The following ATG10 variants were observed in gnomAD, a reference collection of about 807,000 sequenced individuals.
The protein encoded by ATG10 is autophagy related 10.
A neutral mutation model predicts 32.1 loss-of-function variants in ATG10; 30 were observed. The observed-to-expected ratio is 0.94, with a 90% CI of 0.70 to 1.27. ATG10 has a LOEUF of 1.27. Among genes scored for constraint, ATG10 ranks in the 50% most tolerant of loss-of-function variants. ATG10 has a pLI of 0.00. For synonymous variants in ATG10, 87 were observed against 91.5 expected (o/e 0.95, Z 0.28); for missense variants, 233 against 262.3 (o/e 0.89, Z 0.77).
At chr5:82,138,874 TCCCCC>T (rs1561319891) in intron 3 of ATG10, among the ~76,000 whole-genome samples, 95 of 23,918 alleles carry the variant, frequency 4.0e-3, no homozygotes, top group Admixed American at 1.4e-3. Context: ...CCCCTCCCCC[TCCCCC>T]TCTCCCTCTC....
intron 2 of ATG10, among the ~76,000 whole-genome samples, chr5:82,040,786 A>C (rs552945512): frequency 6.6e-6 from 1 of 152,218 alleles, no homozygotes; most frequent in Non-Finnish European, 1.5e-5. Flanking sequence ...TTTCAGCATA[A>C]ATCATTACAA....
rs547547637 is a variant in ATG10 at position 82,047,739 on chromosome 5, G to C, written c.109-10756G>C. ...ACTACTCATAGGAAGTCAGGAAGGT[G>C]CTGGAGGTGAAAAGAAGGGGGACTT... is the stretch of plus-strand genomic sequence containing the variant. On this transcript the variant is annotated intron_variant, in intron 2 of 7. Coordinates refer to ENST00000282185, the MANE Select transcript of ATG10 (RefSeq NM_031482.5). 2.6e-5 allele frequency among the ~76,000 whole-genome samples: 4 copies of C among 152,316 alleles called. No homozygotes were observed. The East Asian group carries it at 7.7e-4, about 29-fold the overall frequency.
intron 2 of ATG10, among the ~76,000 whole-genome samples, chr5:82,049,446 T>A (rs1406583964): frequency 1.3e-5 from 2 of 151,228 alleles, no homozygotes; most frequent in East Asian, 3.9e-4. Flanking sequence ...ATATACGTAA[T>A]GCTAGATGAC....
chr5:82,210,387 G>A (rs1295208667), intron 5 of ATG10, among the ~76,000 whole-genome samples: 2 of 152,178 alleles, frequency 1.3e-5, no homozygotes, highest in African/African-American at 4.8e-5. Flanking sequence ...TTGGGTTTCA[G>A]TCCCTATGAG....
At chr5:82,034,762 C>G (rs1296168171) in intron 2 of ATG10, among the ~76,000 whole-genome samples, 1 of 152,122 alleles carries the variant, frequency 6.6e-6, no homozygotes, top group East Asian at 1.9e-4. Flanking sequence ...CCCTAGATAG[C>G]TTTATGACTT....
At chr5:82,218,052 TACACACAC>T (rs60254193) in intron 5 of ATG10, among the ~76,000 whole-genome samples, 71 of 145,294 alleles carry the variant, frequency 4.9e-4, no homozygotes, top group African/African-American at 1.8e-3. Flanking sequence ...GTTCTCTCTT[TACACACAC>T]ACACACACAC....
At chr5:82,066,975 T>G (rs966114655) in intron 3 of ATG10, among the ~76,000 whole-genome samples, 2 of 152,178 alleles carry the variant, frequency 1.3e-5, no homozygotes, top group African/African-American at 4.8e-5. Context: ...TTTAAAGCAG[T>G]GTTAAAATTC....
At chr5:82,003,665 A>G (rs183764227) in intron 2 of ATG10, among the ~76,000 whole-genome samples, 5 of 152,360 alleles carry the variant, frequency 3.3e-5, no homozygotes, top group Admixed American at 6.5e-5. Context: ...TAGCCTTCCA[A>G]TCCAACCCAT....
chr5:82,249,407 T>C (rs963629393), intron 5 of ATG10, among the ~76,000 whole-genome samples: 3 of 152,240 alleles, frequency 2.0e-5, no homozygotes, highest in African/African-American at 7.2e-5. Flanking sequence ...TATTTTTAGA[T>C]TGAAATTTGG....
At chr5:82,240,764 GCACCC>G (rs1239535885) in intron 5 of ATG10, among the ~76,000 whole-genome samples, 1 of 151,986 alleles carries the variant, frequency 6.6e-6, no homozygotes, top group African/African-American at 2.4e-5. Flanking sequence ...AATATCACAG[GCACCC>G]CATAAATATG....
chr5:82,100,491 C>G (rs988304661), intron 3 of ATG10, among the ~76,000 whole-genome samples: 1 of 152,068 alleles, frequency 6.6e-6, no homozygotes, highest in African/African-American at 2.4e-5. Flanking sequence ...CTGGGCTTCC[C>G]ATGGCCCAGT....
At chr5:82,080,875 G>A (rs1169649296) in intron 3 of ATG10, among the ~76,000 whole-genome samples, 2 of 152,268 alleles carry the variant, frequency 1.3e-5, no homozygotes, top group East Asian at 1.9e-4. Flanking sequence ...GAACTTTAAG[G>A]TAGTTTTTTC....
chr5:82,005,420 G>C (rs993761037), intron 2 of ATG10, among the ~76,000 whole-genome samples: 1 of 151,966 alleles, frequency 6.6e-6, no homozygotes, highest in African/African-American at 2.4e-5. Context: ...TCAGCCTCCC[G>C]AGTAGCTGGG....
chr5:82,045,704 T>C (rs1344631613), intron 2 of ATG10, among the ~76,000 whole-genome samples: 2 of 152,082 alleles, frequency 1.3e-5, no homozygotes, highest in East Asian at 3.9e-4. Context: ...AGATTGTGAC[T>C]CATTCTGGGA....
chr5:81,988,069 A>G (rs892337075), intron 2 of ATG10, among the ~76,000 whole-genome samples: 1 of 152,228 alleles, frequency 6.6e-6, no homozygotes, highest in Non-Finnish European at 1.5e-5. Context: ...CAAACCATAA[A>G]CAATCACAAA....
intron 3 of ATG10, among the ~76,000 whole-genome samples, chr5:82,131,885 G>A (rs2149842926): frequency 6.6e-6 from 1 of 152,090 alleles, no homozygotes; most frequent in African/African-American, 2.4e-5. Context: ...GATAGGGGAG[G>A]GTGTCAGGAG....
chr5:82,121,589 C>T (rs1290933448), intron 3 of ATG10, among the ~76,000 whole-genome samples: 1 of 152,138 alleles, frequency 6.6e-6, no homozygotes, highest in Non-Finnish European at 1.5e-5. Flanking sequence ...ATAATGTTGT[C>T]TGTGAGTTTG....
chr5:82,123,925 G>T (rs961745071), intron 3 of ATG10, among the ~76,000 whole-genome samples: 3 of 152,032 alleles, frequency 2.0e-5, no homozygotes, highest in Non-Finnish European at 4.4e-5. Flanking sequence ...GACAGAGCAA[G>T]ACCCTGTTTC....
chr5:81,987,456 C>G (rs1761319736), intron 1 of ATG10, 103 bp from the exon 2 acceptor site: 3 of 831,198 alleles, frequency 3.6e-6, no homozygotes. Flanking sequence ...TGAGGCCATT[C>G]TACATCCCAA....
Sources: allele counts gnomAD v4.1 joint callset (sites outside exome capture counted in the v4.1 genomes callset), GRCh38; gene constraint gnomAD v4.1.1; transcripts MANE v1.5; gene names NCBI Gene and HGNC (gene_info 2026-07-23, HGNC 2026-07-21).